Variants in MBD2 observed in about 807,000 individuals in gnomAD.
MBD2 encodes methyl-CpG binding domain protein 2, also known as methyl-CpG-binding domain protein 2.
A neutral mutation model predicts 39.3 loss-of-function variants in MBD2; 9 were observed. The observed-to-expected ratio is 0.23, with a 90% confidence interval of 0.14 to 0.40. The LOEUF is 0.40. Ranked by LOEUF, MBD2 falls within the 10% of genes least tolerant of loss-of-function variation. The pLI is 1.00. For synonymous variants in MBD2, 233 were observed against 211.1 expected, an observed-to-expected ratio of 1.10 and a Z score of -0.90; for missense variants, 458 against 532.6, an observed-to-expected ratio of 0.86 and a Z score of 1.38.
chr18:54,170,926 T>C (rs1356895706), intron 3 of MBD2, among the ~76,000 whole-genome samples: 1 of 152,190 alleles, frequency 6.6e-6, no homozygotes, highest in East Asian at 1.9e-4. Context: ...TTTCTAAAGA[T>C]CTTATAAAGA....
chr18:54,172,748 T>C (rs758495572), intron 3 of MBD2, among the ~76,000 whole-genome samples: 13 of 152,184 alleles, frequency 8.5e-5, no homozygotes, highest in Admixed American at 5.2e-4. Context: ...GCAGAGTGAA[T>C]GGGATTGGGT....
chr18:54,160,129 A>C, intron 5 of MBD2: 1 of 464,726 alleles, frequency 2.2e-6, no homozygotes, highest in South Asian at 3.3e-5. Context: ...ATCACACATG[A>C]AATTCTAGAA....
At chr18:54,220,321 A>G (rs2144356192) in intron 1 of MBD2, among the ~76,000 whole-genome samples, 1 of 152,218 alleles carries the variant, frequency 6.6e-6, no homozygotes, top group East Asian at 1.9e-4. Flanking sequence ...AAACAAACAC[A>G]CTAGATGATA....
intron 3 of MBD2, among the ~76,000 whole-genome samples, chr18:54,170,787 C>G (rs908568903): frequency 2.0e-5 from 3 of 152,056 alleles, no homozygotes; most frequent in African/African-American, 7.2e-5. Flanking sequence ...TTGGGAAGAC[C>G]TGGAAAGGCT....
rs926229481 is a variant in MBD2 at position 54,202,765 on chromosome 18, C to T, written c.702+2233G>A. On this transcript the variant is annotated intron_variant, in intron 2 of 6. Coordinates refer to ENST00000256429, the MANE Select transcript of MBD2 (RefSeq NM_003927.5). ...TGAGGTGGATGGTAAATCAAATAAA[C>T]ATAAAGCAATATTAAGTACCTACCG... is the stretch of plus-strand genomic sequence containing the variant. The T allele has an allele frequency of 2.2e-5, 32 of 1,474,508 alleles. 2 individuals are homozygous for T. In the South Asian group the frequency reaches 3.6e-4, roughly 17 times the overall value. The allele number at this position is 1,474,508 out of a possible 1,614,324, so 91.3% of individuals were successfully genotyped here. A position where few individuals can be genotyped will look rare whatever the true frequency, so the allele number is the denominator to read the frequency against.
chr18:54,165,183 C>A (rs2086122575), intron 4 of MBD2, among the ~76,000 whole-genome samples: 1 of 152,188 alleles, frequency 6.6e-6, no homozygotes, highest in African/African-American at 2.4e-5. Flanking sequence ...AATATCTCAA[C>A]AATTATCTTC....
chr18:54,159,692 C>G, intron 6 of MBD2, 73 bp downstream of exon 6: 1 of 1,532,152 alleles, frequency 6.5e-7, no homozygotes, highest in Non-Finnish European at 8.9e-7. Context: ...GCTGGGATTA[C>G]AGGCAGAAGC....
chr18:54,199,614 T>C (rs1211004507), intron 2 of MBD2, among the ~76,000 whole-genome samples: 1 of 152,134 alleles, frequency 6.6e-6, no homozygotes, highest in Non-Finnish European at 1.5e-5. Flanking sequence ...CCCCCAAAAC[T>C]TGCCCTTATT....
At chr18:54,188,573 G>T (rs1459590521) in intron 3 of MBD2, among the ~76,000 whole-genome samples, 74 of 151,928 alleles carry the variant, frequency 4.9e-4, no homozygotes, top group Non-Finnish European at 3.5e-4. Context: ...TATTATCCTT[G>T]GAAAGATAAT....
chr18:54,224,358 C>A lies in MBD2; in HGVS notation c.202G>T (p.Gly68Cys). The stretch of plus-strand genomic sequence containing the variant: ...CGGCCACAGACGCCGCCGCCCCGGC[C>A]CGCCTGCTTCCACCGCCCCCGGCCA... ...GRGRGRWKQA[G>C]RGGGVCGRGR... is the part of the protein sequence containing the mutation. Residue 68 changes from glycine to cysteine, a missense_variant, in exon 1 of 7, where the codon GGC becomes TGC. Around this residue, in one of 2 missense-constraint regions of MBD2, gnomAD observed 269 missense variants for 236.0 expected, o/e 1.14. Coordinates refer to ENST00000256429, the MANE Select transcript of MBD2 (RefSeq NM_003927.5). The A allele has an allele frequency of 1.7e-6, 2 of 1,170,676 alleles. No individual in the cohort carries two copies. Among genetic ancestry groups the A allele is most frequent in the South Asian group, 6.5e-5 (2 of 30,640 alleles). The allele number at this position is 1,170,676 out of a possible 1,614,324, so 72.5% of individuals were successfully genotyped here.
At position 54,189,018 on chromosome 18, in the gene MBD2, A is replaced by G. The variant is rs2086301461; in HGVS notation, c.703-7T>C. On this transcript the variant is annotated splice_region_variant and splice_polypyrimidine_tract_variant and intron_variant, in intron 2 of 6. Coordinates refer to ENST00000256429, the MANE Select transcript of MBD2 (RefSeq NM_003927.5). ...TATTCAAGTCTGGTTTACCCTGTGA[A>G]TATAAATGTATTTTTATTTAAAATA... 1 of 1,553,932 alleles carries G rather than the reference A, an allele frequency of 6.4e-7. No individual in the cohort carries two copies. Among genetic ancestry groups the G allele is most frequent in the Non-Finnish European group, 8.7e-7 (1 of 1,143,474 alleles).
chr18:54,205,957 TAC>T (rs10558467), intron 1 of MBD2, among the ~76,000 whole-genome samples: 14,351 of 145,244 alleles, frequency 0.099, 857 homozygotes, highest in African/African-American at 0.17. Context: ...AACACACACA[TAC>T]ACACACACAC....
chr18:54,185,404 T>C (rs1206363482), intron 3 of MBD2, among the ~76,000 whole-genome samples: 1 of 152,180 alleles, frequency 6.6e-6, no homozygotes, highest in Non-Finnish European at 1.5e-5. Context: ...CAAAAGCCTT[T>C]TAGCCCTCTA....
rs112240147 is a variant in MBD2 at position 54,167,881 on chromosome 18, G to C, written c.841-1715C>G. Among the ~76,000 whole-genome samples the C allele has an allele frequency of 3.7e-3, 554 of 150,560 alleles. 4 individuals are homozygous for C. The highest frequency in any genetic ancestry group is 0.013 in the African/African-American group (514 of 40,984). ...TGCAATAAATGTCCCAAGAAAACCT[G>C]CCCTGCCTGCTTTCTATTTGCTCTC... On this transcript the variant is annotated intron_variant, in intron 3 of 6. Coordinates refer to ENST00000256429, the MANE Select transcript of MBD2 (RefSeq NM_003927.5).
At chr18:54,193,856 G>A (rs2144316425) in intron 2 of MBD2, among the ~76,000 whole-genome samples, 2 of 152,184 alleles carry the variant, frequency 1.3e-5, no homozygotes, top group Middle Eastern at 3.4e-3. Context: ...GAAGAAAATC[G>A]ATAAAGACAC....
intron 2 of MBD2, among the ~76,000 whole-genome samples, chr18:54,196,554 C>T (rs62096960): frequency 0.031 from 4,715 of 152,212 alleles, 120 homozygotes; most frequent in Non-Finnish European, 0.046. Flanking sequence ...CTTGGGAGAA[C>T]TATGGAAATA....
intron 1 of MBD2, among the ~76,000 whole-genome samples, chr18:54,214,296 A>C (rs2086536992): frequency 6.6e-6 from 1 of 151,896 alleles, no homozygotes; most frequent in Non-Finnish European, 1.5e-5. Flanking sequence ...CCTCGACTGA[A>C]GGAATCCTCC....
chr18:54,201,122 CAT>C (rs1481851917), intron 2 of MBD2, among the ~76,000 whole-genome samples: 2 of 151,972 alleles, frequency 1.3e-5, no homozygotes, highest in African/African-American at 2.4e-5. Context: ...AGACTAGCCA[CAT>C]GTCAAGCACT....
chr18:54,215,561 T>C (rs1236913408), intron 1 of MBD2, among the ~76,000 whole-genome samples: 5 of 150,910 alleles, frequency 3.3e-5, no homozygotes, highest in Non-Finnish European at 5.9e-5. Flanking sequence ...CGATCTCAGC[T>C]AGCTGCAATC....
Sources: allele counts gnomAD v4.1 joint callset (sites outside exome capture counted in the v4.1 genomes callset), GRCh38; gene constraint gnomAD v4.1.1; regional missense constraint gnomAD v4.1.1; transcripts MANE v1.5; gene names NCBI Gene and HGNC (gene_info 2026-07-23, HGNC 2026-07-21).